ADAMTS2: variants seen among roughly 807,000 people sequenced by gnomAD.
ADAMTS2 encodes the protein ADAM metallopeptidase with thrombospondin type 1 motif 2, also known as A disintegrin and metalloproteinase with thrombospondin motifs 2.
ADAMTS2 carries 50 observed loss-of-function variants against 123.0 expected under a neutral mutation model. That is an observed-to-expected ratio of 0.41 (90% CI 0.32 to 0.51). The LOEUF is 0.51. Among genes scored for constraint, ADAMTS2 ranks in the 20% least tolerant of loss-of-function variants. ADAMTS2 has a pLI of 0.35. For missense variants in ADAMTS2, 1,494 were observed against 1,705.2 expected (o/e 0.88, Z 2.18); for synonymous variants, 678 against 695.4 (o/e 0.98, Z 0.39).
chr5:179,272,169 G>A lies in ADAMTS2; in HGVS notation c.688+742C>T, dbSNP rs1340705143. Among the ~76,000 whole-genome samples the A allele has an allele frequency of 2.6e-5, 4 of 152,222 alleles. No individual in the cohort carries two copies. The highest frequency in any genetic ancestry group is 9.6e-5 in the African/African-American group (4 of 41,466). Reference sequence around the variant, plus strand: ...TCACCACAATCCAGGACCAGAGACTGGGGGATGCTGGGAGGTGTGGGCTGG... The same window carrying A: ...TCACCACAATCCAGGACCAGAGACTAGGGGATGCTGGGAGGTGTGGGCTGG... On this transcript the variant is annotated intron_variant, in intron 3 of 21. Coordinates refer to ENST00000251582, the MANE Select transcript of ADAMTS2 (RefSeq NM_014244.5). This position sits in a 1 kb window ranked among gnomAD's most constrained non-coding sequence, Gnocchi z 5.8.
At chr5:179,215,055 T>C (rs565261921) in intron 3 of ADAMTS2, among the ~76,000 whole-genome samples, 2 of 152,294 alleles carry the variant, frequency 1.3e-5, no homozygotes, top group South Asian at 4.1e-4. Flanking sequence ...TGAGGAGGCA[T>C]ATTTTTTTCA....
At chr5:179,236,853 A>G (rs1027378507) in intron 3 of ADAMTS2, among the ~76,000 whole-genome samples, 6 of 152,154 alleles carry the variant, frequency 3.9e-5, no homozygotes, top group Non-Finnish European at 8.8e-5. Flanking sequence ...CCCAAAATTC[A>G]TATGTTGAAA....
chr5:179,134,849 G>A (rs866927406), intron 13 of ADAMTS2, among the ~76,000 whole-genome samples: 1 of 72,780 alleles, frequency 1.4e-5, no homozygotes, highest in Non-Finnish European at 2.7e-5. Context: ...CCCAGCTCCC[G>A]GCTCCAGCTC....
At chr5:179,293,652 C>T (rs943588149) in intron 2 of ADAMTS2, among the ~76,000 whole-genome samples, 3 of 152,162 alleles carry the variant, frequency 2.0e-5, no homozygotes, top group Non-Finnish European at 4.4e-5. Flanking sequence ...CTTGCTCTGT[C>T]GCCTAGGCTG....
intron 3 of ADAMTS2, among the ~76,000 whole-genome samples, chr5:179,237,007 C>T (rs1335864794): frequency 6.6e-6 from 1 of 152,082 alleles, no homozygotes; most frequent in African/African-American, 2.4e-5. Context: ...GTAATCTCAG[C>T]ACTTTGGGGG....
chr5:179,141,057 C>T (rs1763159228), intron 10 of ADAMTS2, among the ~76,000 whole-genome samples: 1 of 151,828 alleles, frequency 6.6e-6, no homozygotes, highest in African/African-American at 2.4e-5. Flanking sequence ...TCAGGTGATC[C>T]ACCTGCCTCA....
intron 3 of ADAMTS2, among the ~76,000 whole-genome samples, chr5:179,227,930 G>A (rs1765324528): frequency 6.6e-6 from 1 of 152,148 alleles, no homozygotes; most frequent in African/African-American, 2.4e-5. Context: ...GACTGAGAGG[G>A]GGAGTCACAG....
At chr5:179,339,978 G>A (rs984974871) in intron 2 of ADAMTS2, among the ~76,000 whole-genome samples, 2 of 152,254 alleles carry the variant, frequency 1.3e-5, no homozygotes, top group Non-Finnish European at 2.9e-5. Context: ...GCAAGACAGA[G>A]TGGGTGCCTG....
intron 5 of ADAMTS2, among the ~76,000 whole-genome samples, chr5:179,160,020 TG>T (rs1222853181): frequency 1.3e-5 from 2 of 152,188 alleles, no homozygotes; most frequent in African/African-American, 4.8e-5. Flanking sequence ...CTCTGAGTCC[TG>T]GGCATGTTCT....
intron 2 of ADAMTS2, among the ~76,000 whole-genome samples, chr5:179,289,047 A>G (rs1388259947): frequency 1.3e-5 from 2 of 152,170 alleles, no homozygotes; most frequent in Non-Finnish European, 2.9e-5. Context: ...GACCTTGTGC[A>G]TACCAGGCCT....
chr5:179,145,690 C>T (rs947698441), intron 10 of ADAMTS2, among the ~76,000 whole-genome samples: 2 of 152,032 alleles, frequency 1.3e-5, no homozygotes, highest in Non-Finnish European at 2.9e-5. Flanking sequence ...TGAGTGGCTA[C>T]GAGTGGCTAT....
rs1398208814 is a variant in ADAMTS2 at position 179,312,967 on chromosome 5, G to A, written c.534+30800C>T. ...CTCTGATATGGACTAAAAGTGGTGA[G>A]AGAATTATGGTAGAAGAATGGGGCT... On this transcript the variant is annotated intron_variant, in intron 2 of 21. Coordinates refer to ENST00000251582, the MANE Select transcript of ADAMTS2 (RefSeq NM_014244.5). This position sits in a 1 kb window ranked among gnomAD's most constrained non-coding sequence, Gnocchi z 4.2. Among the ~76,000 whole-genome samples the A allele has an allele frequency of 6.6e-6, 1 of 152,260 alleles. No individual in the cohort carries two copies. Among genetic ancestry groups the A allele is most frequent in the East Asian group, 1.9e-4 (1 of 5,204 alleles).
chr5:179,147,156 T>C (rs1472268352), intron 10 of ADAMTS2, among the ~76,000 whole-genome samples: 1 of 152,208 alleles, frequency 6.6e-6, no homozygotes, highest in Non-Finnish European at 1.5e-5. Context: ...TGGCATGATC[T>C]TGACTCACTG....
chr5:179,167,099 C>T (rs1442703161), intron 5 of ADAMTS2, among the ~76,000 whole-genome samples: 1 of 152,226 alleles, frequency 6.6e-6, no homozygotes, highest in Non-Finnish European at 1.5e-5. Flanking sequence ...CAAGGAGCGC[C>T]CCGCTAGGCT....
intron 20 of ADAMTS2, 120 bp downstream of exon 20, chr5:179,122,524 A>T: frequency 7.1e-7 from 1 of 1,403,480 alleles, no homozygotes; most frequent in Non-Finnish European, 9.6e-7. Context: ...CTCCATGCTC[A>T]CAGATGTTGA....
At position 179,125,986 on chromosome 5, in the gene ADAMTS2, G is replaced by T. The variant is rs746212548; in HGVS notation, c.2750+12C>A. On this transcript the variant is annotated intron_variant, in intron 18 of 21. Transcript: ENST00000251582. ...GTCTCCTCTAGTGGGAGCCCGAGCT[G>T]GGGGCACTCACACTGGCTGGGAGCA... The T allele has an allele frequency of 6.2e-7, 1 of 1,613,306 alleles. No homozygotes were observed. The highest frequency in any genetic ancestry group is 8.5e-7 in the Non-Finnish European group (1 of 1,179,988).
At position 179,262,128 on chromosome 5, in the gene ADAMTS2, G is replaced by A. The variant is rs1041150766; in HGVS notation, c.688+10783C>T. Among the ~76,000 whole-genome samples the A allele has an allele frequency of 6.6e-6, 1 of 152,136 alleles. No individual in the cohort carries two copies. The highest frequency in any genetic ancestry group is 1.5e-5 in the Non-Finnish European group (1 of 68,006). On this transcript the variant is annotated intron_variant, in intron 3 of 21. Coordinates refer to ENST00000251582, the MANE Select transcript of ADAMTS2 (RefSeq NM_014244.5). The surrounding 1 kb of genome is among the most constrained non-coding windows in gnomAD (Gnocchi z 5.9). ...AGCAGTGGAAGCGGGCAGCTGTGGA[G>A]TCAGAGTGATGGGTGCCAATTCTGA...
chr5:179,238,772 G>A (rs1765593529), intron 3 of ADAMTS2, among the ~76,000 whole-genome samples: 1 of 152,118 alleles, frequency 6.6e-6, no homozygotes. Flanking sequence ...GGTGCTGGGT[G>A]CTGACTTCTG....
chr5:179,245,790 A>AC (rs1561628630), intron 3 of ADAMTS2, among the ~76,000 whole-genome samples: 2 of 138,498 alleles, frequency 1.4e-5, no homozygotes, highest in African/African-American at 5.3e-5. Flanking sequence ...AAAAAAAAAA[A>AC]AAAAACAAAA....
Sources: allele counts gnomAD v4.1 joint callset (sites outside exome capture counted in the v4.1 genomes callset), GRCh38; gene constraint gnomAD v4.1.1; non-coding constraint Gnocchi (gnomAD v3.1); transcripts MANE v1.5; gene names NCBI Gene and HGNC (gene_info 2026-07-23, HGNC 2026-07-21).